The following GAN variants were observed in gnomAD, a reference collection of about 807,000 sequenced individuals.
GAN encodes epididymis secretory sperm binding protein.
In GAN, 48 loss-of-function variants were observed where a neutral mutation model predicts 71.3. That is an observed-to-expected ratio of 0.67 (90% confidence interval 0.53 to 0.86). The LOEUF (loss-of-function observed/expected upper bound fraction) is 0.86, where lower values mean the gene tolerates loss of function less well. Among genes scored for constraint, GAN ranks in the 40% least tolerant of loss-of-function variants. The pLI is 0.00. For missense variants in GAN, 928 were observed against 770.1 expected (o/e 1.21, Z -2.43); for synonymous variants, 386 against 276.8 (o/e 1.39, Z -3.92).
At position 81,354,534 on chromosome 16, in the gene GAN, C is replaced by G. The variant is rs772833509; in HGVS notation, c.412C>G (p.Arg138Gly). 3 of 1,613,942 alleles carry G rather than the reference C, an allele frequency of 1.9e-6. No individual in the cohort carries two copies. Among genetic ancestry groups the G allele is most frequent in the African/African-American group, 1.3e-5 (1 of 75,020 alleles). ...TGCTGCTGAGAACTGTATTGGTATCCGTGACTTTGCACTACATTACTGCCT... is the reference window on the plus strand; with the variant it reads ...TGCTGCTGAGAACTGTATTGGTATCGGTGACTTTGCACTACATTACTGCCT... ...CIAAENCIGI[R>G]DFALHYCLHH... The change falls in exon 3 of 11, where the codon CGT (arginine) becomes GGT (glycine). Residue 138 changes from arginine (R) to glycine (G), a missense_variant. By Grantham distance (125) the Arg-to-Gly change is moderately radical. Coordinates refer to ENST00000648994, the MANE Select transcript of GAN (RefSeq NM_022041.4).
In GAN at chr16:81,365,384, C is replaced by G; in HGVS notation, c.1408C>G (p.Leu470Val). The G allele has an allele frequency of 6.2e-7, 1 of 1,613,534 alleles. No homozygotes were observed. The highest frequency in any genetic ancestry group is 8.5e-7 in the Non-Finnish European group (1 of 1,179,924). The change falls in exon 9 of 11, where the codon CTG (leucine) becomes GTG (valine). Residue 470 changes from leucine to valine, a missense_variant. By Grantham distance (32) the Leu-to-Val change is conservative. Coordinates refer to ENST00000648994, the MANE Select transcript of GAN (RefSeq NM_022041.4). ...GGTGGCCTGTGGAGTTGCTATGGAG[C>G]TGTATGTGTTTGGGGGAGTCCGAAG... ...GAVACGVAME[L>V]YVFGGVRSRE...
At chr16:81,343,132 A>G (rs1381279783) in intron 1 of GAN, among the ~76,000 whole-genome samples, 1 of 152,220 alleles carries the variant, frequency 6.6e-6, no homozygotes, top group Non-Finnish European at 1.5e-5. Context: ...TGAGGCAATA[A>G]TTAATAGCCT....
chr16:81,373,116 A>C (rs937724739), intron 9 of GAN, among the ~76,000 whole-genome samples: 2 of 152,232 alleles, frequency 1.3e-5, no homozygotes, highest in African/African-American at 4.8e-5. Flanking sequence ...AGAAGAGTCT[A>C]GGAAGAGTAT....
intron 1 of GAN, among the ~76,000 whole-genome samples, chr16:81,336,780 T>G (rs1909777218): frequency 6.6e-6 from 1 of 152,098 alleles, no homozygotes; most frequent in Non-Finnish European, 1.5e-5. Flanking sequence ...GCCAGAAGCT[T>G]TATTTTTTAG....
chr16:81,376,465 A>ATGTGTGTGTGTGTGTGTG (rs56782049), intron 9 of GAN, among the ~76,000 whole-genome samples: 25 of 127,122 alleles, frequency 2.0e-4, no homozygotes, highest in South Asian at 5.4e-4. Flanking sequence ...ATACATACAT[A>ATGTGTGTGTGTGTGTGTG]TGTGTGTGTG....
chr16:81,353,926 C>T (rs1341552337), intron 2 of GAN, among the ~76,000 whole-genome samples: 1 of 152,160 alleles, frequency 6.6e-6, no homozygotes, highest in Non-Finnish European at 1.5e-5. Flanking sequence ...ACACTGGAAA[C>T]CCCTCTCCCT....
chr16:81,342,201 A>T (rs552365210), intron 1 of GAN, among the ~76,000 whole-genome samples: 9 of 152,310 alleles, frequency 5.9e-5, no homozygotes, highest in African/African-American at 1.9e-4. Context: ...TTAACACCCC[A>T]CTGTCAATAT....
intron 1 of GAN, among the ~76,000 whole-genome samples, chr16:81,324,578 G>C (rs1056240599): frequency 6.6e-6 from 1 of 152,152 alleles, no homozygotes; most frequent in African/African-American, 2.4e-5. Context: ...TTAGAGGCTG[G>C]GAAGGCCTGT....
In GAN at chr16:81,356,793, G is replaced by A. The variant is rs374659636; in HGVS notation, c.642G>A (p.Met214Ile). 13 of 1,609,640 alleles carry A rather than the reference G, an allele frequency of 8.1e-6. No homozygotes were observed. The highest frequency in any genetic ancestry group is 3.3e-5 in the Admixed American group (2 of 59,994). The change falls in exon 4 of 11, where the codon ATG becomes ATA. Residue 214 changes from methionine to isoleucine, a missense_variant. Coordinates refer to ENST00000648994, the MANE Select transcript of GAN (RefSeq NM_022041.4). Reference sequence around the variant, plus strand: ...TCTTCCCTCTTCTGCAGGTCCACATGAAGGATGTTATGTCAGCTCTGTGGG... The same window carrying A: ...TCTTCCCTCTTCTGCAGGTCCACATAAAGGATGTTATGTCAGCTCTGTGGG... ...AHDTEIRKVH[M>I]KDVMSALWVS...
At chr16:81,333,749 G>T (rs1909664596) in intron 1 of GAN, among the ~76,000 whole-genome samples, 1 of 152,160 alleles carries the variant, frequency 6.6e-6, no homozygotes. Context: ...ATCTCACCTG[G>T]TGCGGTGAGA....
At chr16:81,344,013 T>C (rs760608311) in intron 1 of GAN, among the ~76,000 whole-genome samples, 5 of 152,164 alleles carry the variant, frequency 3.3e-5, no homozygotes, top group Non-Finnish European at 5.9e-5. Flanking sequence ...CCATTCACAA[T>C]TGCTACTAAG....
intron 5 of GAN, among the ~76,000 whole-genome samples, chr16:81,359,161 G>C (rs1000280886): frequency 3.3e-5 from 5 of 151,620 alleles, no homozygotes; most frequent in African/African-American, 1.2e-4. Context: ...TGTAGGTCTA[G>C]TTTCCCTGTT....
chr16:81,375,996 A>G (rs186580694), intron 9 of GAN, among the ~76,000 whole-genome samples: 104 of 151,436 alleles, frequency 6.9e-4, no homozygotes, highest in African/African-American at 2.4e-3. Flanking sequence ...AAAAAATTCC[A>G]TAAAATGACC....
chr16:81,370,564 A>G (rs1380430293), intron 9 of GAN, among the ~76,000 whole-genome samples: 1 of 152,254 alleles, frequency 6.6e-6, no homozygotes, highest in Non-Finnish European at 1.5e-5. Context: ...TATTTTCCCC[A>G]TCCCACAGGG....
At chr16:81,361,983 A>T (rs1232030949) in intron 5 of GAN, among the ~76,000 whole-genome samples, 1 of 152,182 alleles carries the variant, frequency 6.6e-6, no homozygotes, top group Non-Finnish European at 1.5e-5. Context: ...GGCTAAGATT[A>T]TTTTTTAAAT....
At chr16:81,344,812 G>A (rs1429364511) in intron 1 of GAN, among the ~76,000 whole-genome samples, 21 of 152,110 alleles carry the variant, frequency 1.4e-4, no homozygotes, top group Admixed American at 1.3e-3. Flanking sequence ...AGAGTGAACG[G>A]GCAACCTACA....
chr16:81,379,071 A>C lies in GAN; in HGVS notation c.*1475A>C, dbSNP rs1227793851. Reference sequence around the variant, plus strand: ...TTTTTTCCTTTTGGAATATGGCTGTAAGAAGCAGCATTTTGTCTTATTAAC... The same window carrying C: ...TTTTTTCCTTTTGGAATATGGCTGTCAGAAGCAGCATTTTGTCTTATTAAC... On this transcript the variant is annotated 3_prime_UTR_variant, in exon 11 of 11. Coordinates refer to ENST00000648994, the MANE Select transcript of GAN (RefSeq NM_022041.4). 1 of 152,046 alleles carries C rather than the reference A, an allele frequency of 6.6e-6. No homozygotes were observed. The highest frequency in any genetic ancestry group is 1.9e-4 in the East Asian group (1 of 5,196). 9.4% of individuals were successfully genotyped at this position (152,046 alleles called of 1,614,324 possible). A position where few individuals can be genotyped will look rare whatever the true frequency, so the allele number is the denominator to read the frequency against.
At chr16:81,354,090 C>T (rs907904975) in intron 2 of GAN, among the ~76,000 whole-genome samples, 4 of 152,152 alleles carry the variant, frequency 2.6e-5, no homozygotes, top group Non-Finnish European at 5.9e-5. Context: ...GCATTTGAGT[C>T]ATTAAGGTTT....
At position 81,380,703 on chromosome 16, in the gene GAN, C is replaced by G. The variant is rs1429658487; in HGVS notation, c.*3107C>G. The stretch of plus-strand genomic sequence containing the variant: ...TGAGCCTGTTGACCTTCAGTTTATA[C>G]TACTGTGTCGAACTCATATTGAGTG... On this transcript the variant is annotated 3_prime_UTR_variant, in exon 11 of 11. Coordinates refer to ENST00000648994, the MANE Select transcript of GAN (RefSeq NM_022041.4). 1.3e-5 allele frequency: 2 copies of G among 152,180 alleles called. No homozygotes were observed. Among genetic ancestry groups the G allele is most frequent in the Non-Finnish European group, 2.9e-5 (2 of 68,044 alleles). The allele number at this position is 152,180 out of a possible 1,614,324, so 9.4% of individuals were successfully genotyped here. A position where few individuals can be genotyped will look rare whatever the true frequency, so the allele number is the denominator to read the frequency against.
Sources: allele counts gnomAD v4.1 joint callset (sites outside exome capture counted in the v4.1 genomes callset), GRCh38; gene constraint gnomAD v4.1.1; transcripts MANE v1.5; gene names NCBI Gene and HGNC (gene_info 2026-07-23, HGNC 2026-07-21).